The following RIC3 variants were observed in gnomAD, a reference collection of about 807,000 sequenced individuals.
RIC3 encodes RIC3 acetylcholine receptor chaperone.
In RIC3, 28 loss-of-function variants were observed where a neutral mutation model predicts 27.3. That is an observed-to-expected ratio of 1.02 (90% confidence interval 0.76 to 1.41). The LOEUF is 1.41. RIC3 is among the 40% of genes most tolerant of loss of function. RIC3 has a pLI of 0.00. For synonymous variants in RIC3, 184 were observed against 160.4 expected (o/e 1.15, Z -1.11); for missense variants, 501 against 444.7 (o/e 1.13, Z -1.14).
chr11:8,104,566 A>AT (rs1320155552), downstream of RIC3: 1 of 152,168 alleles, frequency 6.6e-6, no homozygotes, highest in Non-Finnish European at 1.5e-5. Context: ...TCGCCTGTGG[A>AT]TTTTGTCCAT....
chr11:8,100,208 A>G, the RIC3 span, among the ~76,000 whole-genome samples: 1 of 152,182 alleles, frequency 6.6e-6, no homozygotes, highest in African/African-American at 2.4e-5. Flanking sequence ...CTGCTGATGG[A>G]TTAGACGTAG....
intron 1 of RIC3, among the ~76,000 whole-genome samples, chr11:8,166,253 G>A (rs1951686334): frequency 6.6e-6 from 1 of 152,068 alleles, no homozygotes; most frequent in Non-Finnish European, 1.5e-5. Flanking sequence ...ACTAAACTGT[G>A]GCCGCCTCAA....
At chr11:8,138,250 T>A in intron 3 of RIC3, 22 bp downstream of exon 3, 1 of 1,535,838 alleles carries the variant, frequency 6.5e-7, no homozygotes, top group East Asian at 2.2e-5. Context: ...TACCTGTGAA[T>A]ATACTGAGAA....
At chr11:8,096,871 G>A in the RIC3 span, 6 of 1,572,700 alleles carry the variant, frequency 3.8e-6, no homozygotes, top group East Asian at 2.2e-5. Flanking sequence ...GAGGTGGACT[G>A]CATGTGAAGA....
chr11:8,166,553 T>G (rs1951712825), intron 1 of RIC3, among the ~76,000 whole-genome samples: 1 of 151,894 alleles, frequency 6.6e-6, no homozygotes, highest in Admixed American at 6.6e-5. Flanking sequence ...ACAATAAGAG[T>G]ATGTACCTTT....
At chr11:8,097,954 T>G in the RIC3 span, 1 of 709,900 alleles carries the variant, frequency 1.4e-6, no homozygotes, top group South Asian at 1.8e-5. Flanking sequence ...GGATCCTCTC[T>G]GATAATCACA....
At chr11:8,098,655 A>T in the RIC3 span, 1 of 831,440 alleles carries the variant, frequency 1.2e-6, no homozygotes, top group African/African-American at 1.7e-5. Context: ...CTCCTGTTCC[A>T]GCCCAGAATG....
intron 4 of RIC3, among the ~76,000 whole-genome samples, chr11:8,129,385 GCTA>G (rs1232020462): frequency 6.6e-6 from 1 of 151,994 alleles, no homozygotes; most frequent in African/African-American, 2.4e-5. Flanking sequence ...ATGTCCTAAT[GCTA>G]CTATTAATCT....
At chr11:8,130,396 C>T (rs1947545463) in intron 4 of RIC3, among the ~76,000 whole-genome samples, 1 of 152,180 alleles carries the variant, frequency 6.6e-6, no homozygotes, top group African/African-American at 2.4e-5. Flanking sequence ...TCCCTAAATG[C>T]CCAAAGCTGC....
At chr11:8,124,203 T>G (rs192120197) in intron 5 of RIC3, among the ~76,000 whole-genome samples, 1 of 152,038 alleles carries the variant, frequency 6.6e-6, no homozygotes, top group South Asian at 2.1e-4. Context: ...TAAATAACAG[T>G]AACTCTATGA....
At chr11:8,146,329 T>C (rs1431600578) in intron 1 of RIC3, among the ~76,000 whole-genome samples, 1 of 152,112 alleles carries the variant, frequency 6.6e-6, no homozygotes, top group Non-Finnish European at 1.5e-5. Context: ...CACATAACGA[T>C]ATTAATCTTT....
the RIC3 span, among the ~76,000 whole-genome samples, chr11:8,093,779 G>A: frequency 1.3e-5 from 2 of 152,174 alleles, no homozygotes; most frequent in African/African-American, 4.8e-5. Flanking sequence ...TGCGCACTTT[G>A]TTGGCTGATC....
At chr11:8,135,613 G>A (rs1237263490) in intron 4 of RIC3, 2 of 152,116 alleles carry the variant, frequency 1.3e-5, no homozygotes, top group Non-Finnish European at 2.9e-5. Flanking sequence ...TCCTATCCAT[G>A]AGCATGGAAT....
At chr11:8,133,777 G>A (rs536870375) in intron 4 of RIC3, among the ~76,000 whole-genome samples, 7 of 152,274 alleles carry the variant, frequency 4.6e-5, no homozygotes, top group East Asian at 3.9e-4. Context: ...AGTAGTTAGA[G>A]GTTATAGTAT....
downstream of RIC3, chr11:8,103,973 C>CTAAG (rs1944411552): frequency 6.6e-6 from 1 of 152,220 alleles, no homozygotes. Context: ...GCTTTCTAGC[C>CTAAG]TAAGTGTGGA....
downstream of RIC3, chr11:8,103,344 G>T (rs1944388334): frequency 6.6e-6 from 1 of 152,138 alleles, no homozygotes; most frequent in Admixed American, 6.5e-5. Flanking sequence ...AGCAAGCAGG[G>T]GTCGTACCTT....
intron 4 of RIC3, among the ~76,000 whole-genome samples, chr11:8,130,663 A>G (rs1365682185): frequency 6.6e-6 from 1 of 152,170 alleles, no homozygotes; most frequent in African/African-American, 2.4e-5. Context: ...GCCTTCTAGT[A>G]TGTAGTCACT....
chr11:8,118,684 A>G (rs1414700080), intron 5 of RIC3, among the ~76,000 whole-genome samples: 2 of 152,010 alleles, frequency 1.3e-5, no homozygotes, highest in Non-Finnish European at 2.9e-5. Context: ...CCTGACCAAC[A>G]TGGCAAAACC....
chr11:8,096,896 C>A, the RIC3 span: 4 of 1,443,718 alleles, frequency 2.8e-6, no homozygotes, highest in Non-Finnish European at 3.9e-6. Flanking sequence ...GACTCGTATG[C>A]CTTTAGGAGC....
Sources: allele counts gnomAD v4.1 joint callset (sites outside exome capture counted in the v4.1 genomes callset), GRCh38; gene constraint gnomAD v4.1.1; transcripts MANE v1.5; gene names NCBI Gene and HGNC (gene_info 2026-07-23, HGNC 2026-07-21).